PLXDC2: variants seen among roughly 807,000 people sequenced by gnomAD.
PLXDC2 encodes plexin domain containing 2, also known as plexin domain-containing protein 2.
A neutral mutation model predicts 68.9 loss-of-function variants in PLXDC2; 40 were observed. The observed-to-expected ratio is 0.58, with a 90% CI of 0.45 to 0.76. PLXDC2 has a LOEUF of 0.76. Ranked by LOEUF, PLXDC2 falls within the 30% of genes least tolerant of loss-of-function variation. The probability of loss-of-function intolerance (pLI) is 0.00; values close to 1 mark genes in which losing one functional copy is unlikely to be tolerated. For synonymous variants in PLXDC2, 243 were observed against 234.2 expected (o/e 1.04, Z -0.34); for missense variants, 644 against 661.9 (o/e 0.97, Z 0.30).
At chr10:20,088,376 T>G (rs1833229185) in intron 4 of PLXDC2, among the ~76,000 whole-genome samples, 6 of 152,222 alleles carry the variant, frequency 3.9e-5, no homozygotes, top group Admixed American at 3.9e-4. Flanking sequence ...GTGAATAAGG[T>G]ATTTTTCTTG....
At chr10:20,161,947 C>T (rs1258996674) in intron 6 of PLXDC2, among the ~76,000 whole-genome samples, 3 of 151,662 alleles carry the variant, frequency 2.0e-5, no homozygotes, top group African/African-American at 4.8e-5. Context: ...AGGAGAATTG[C>T]TTGAACCCGG....
At chr10:20,050,403 A>G (rs1430868203) in intron 3 of PLXDC2, among the ~76,000 whole-genome samples, 1 of 152,182 alleles carries the variant, frequency 6.6e-6, no homozygotes, top group Admixed American at 6.6e-5. Context: ...AGCAAAAGAA[A>G]CTATCAATAG....
intron 9 of PLXDC2, among the ~76,000 whole-genome samples, chr10:20,190,781 G>A (rs571125880): frequency 4.7e-4 from 71 of 151,854 alleles, no homozygotes; most frequent in Non-Finnish European, 6.6e-4. Flanking sequence ...TAAAATACAC[G>A]TTCATACTCA....
At chr10:19,983,871 T>C (rs999437527) in intron 1 of PLXDC2, among the ~76,000 whole-genome samples, 1 of 152,184 alleles carries the variant, frequency 6.6e-6, no homozygotes, top group Admixed American at 6.5e-5. Flanking sequence ...AGGTGAGTCC[T>C]GGGCATGTGG....
At chr10:19,850,460 A>G (rs1837093791) in intron 1 of PLXDC2, among the ~76,000 whole-genome samples, 1 of 152,114 alleles carries the variant, frequency 6.6e-6, no homozygotes, top group Non-Finnish European at 1.5e-5. Context: ...AAACTTTTGA[A>G]CCTGTACTCC....
At position 20,287,567 on chromosome 10, in the gene PLXDC2, CTCAAA is replaced by C. The variant is rs1319376261; in HGVS notation, c.*7750_*7754del. On this transcript the variant is annotated 3_prime_UTR_variant, in exon 14 of 14. Transcript: ENST00000377252. ...CACATTTATAGCAGGGAAATAAAAACTCAAATTAGGCATCCTGCAGCAGGCTACTC... is the reference window on the plus strand; with the variant it reads ...CACATTTATAGCAGGGAAATAAAAACTTAGGCATCCTGCAGCAGGCTACTC... 3.3e-5 allele frequency: 5 copies of C among 152,208 alleles called. No homozygotes were observed. The highest frequency in any genetic ancestry group is 1.2e-4 in the African/African-American group (5 of 41,532). The allele number at this position is 152,208 out of a possible 1,614,324, so 9.4% of individuals were successfully genotyped here. A position where few individuals can be genotyped will look rare whatever the true frequency, so the allele number is the denominator to read the frequency against.
chr10:19,985,984 G>A (rs969840818), intron 1 of PLXDC2, among the ~76,000 whole-genome samples: 4 of 152,182 alleles, frequency 2.6e-5, no homozygotes, highest in Non-Finnish European at 5.9e-5. Flanking sequence ...TCCTCCAGTA[G>A]AAGGCTAATT....
chr10:19,953,366 A>G (rs529384689), intron 1 of PLXDC2, among the ~76,000 whole-genome samples: 1 of 152,326 alleles, frequency 6.6e-6, no homozygotes, highest in East Asian at 1.9e-4. Flanking sequence ...GGGTAGAGCC[A>G]TTAGAACTTG....
At chr10:19,818,261 TGTGTGTGTGTGTA>T (rs1450743034) in intron 1 of PLXDC2, among the ~76,000 whole-genome samples, 2 of 151,168 alleles carry the variant, frequency 1.3e-5, no homozygotes, top group African/African-American at 4.9e-5. Context: ...TGTGTGTGTG[TGTGTGTGTGTGTA>T]ATTTAAATGA....
intron 1 of PLXDC2, among the ~76,000 whole-genome samples, chr10:19,852,587 C>T (rs966018720): frequency 6.6e-6 from 1 of 151,860 alleles, no homozygotes; most frequent in Non-Finnish European, 1.5e-5. Flanking sequence ...GTTTTTCAGC[C>T]ATGGTGATAC....
chr10:19,836,461 T>C (rs1438847688), intron 1 of PLXDC2, among the ~76,000 whole-genome samples: 1 of 152,206 alleles, frequency 6.6e-6, no homozygotes, highest in Non-Finnish European at 1.5e-5. Context: ...AGAATATTGC[T>C]GTGACACCTA....
chr10:20,122,662 C>A (rs984724787), intron 4 of PLXDC2, among the ~76,000 whole-genome samples: 2 of 152,248 alleles, frequency 1.3e-5, no homozygotes, highest in East Asian at 1.9e-4. Flanking sequence ...AATGTCTGGC[C>A]GCTGCGGTTC....
chr10:19,845,509 A>G (rs1447512223), intron 1 of PLXDC2, among the ~76,000 whole-genome samples: 1 of 152,138 alleles, frequency 6.6e-6, no homozygotes, highest in East Asian at 1.9e-4. Flanking sequence ...GAGTGACCAA[A>G]TTAGTAGTGA....
At chr10:20,038,619 T>C (rs570462630) in intron 2 of PLXDC2, among the ~76,000 whole-genome samples, 1 of 152,202 alleles carries the variant, frequency 6.6e-6, no homozygotes, top group Non-Finnish European at 1.5e-5. Flanking sequence ...GCTGAAATTG[T>C]CTGGGCTTGA....
chr10:20,027,240 G>A (rs1835420946), intron 2 of PLXDC2, among the ~76,000 whole-genome samples: 1 of 152,010 alleles, frequency 6.6e-6, no homozygotes, highest in Admixed American at 6.6e-5. Flanking sequence ...TATGATTGAG[G>A]CTTAATCCCC....
intron 2 of PLXDC2, among the ~76,000 whole-genome samples, chr10:20,044,211 G>A (rs66485339): frequency 1.5e-5 from 1 of 68,548 alleles, no homozygotes; most frequent in African/African-American, 5.1e-5. Context: ...CTCTCTCTCT[G>A]TCTTTCTTTC....
At chr10:19,992,994 G>C (rs765374809) in intron 1 of PLXDC2, among the ~76,000 whole-genome samples, 22 of 152,214 alleles carry the variant, frequency 1.4e-4, no homozygotes, top group African/African-American at 5.3e-4. Flanking sequence ...CTAGCCTCAC[G>C]ACTCGGCTCT....
In PLXDC2 at chr10:20,067,373, T is replaced by C. The variant is rs747082102; in HGVS notation, c.472-797T>C. On this transcript the variant is annotated intron_variant, in intron 3 of 13. Coordinates refer to ENST00000377252, the MANE Select transcript of PLXDC2 (RefSeq NM_032812.9). ...AATATGCTAAATTTGGAGAGCTGAT[T>C]GTATTTGAAACATGAAAATGTCTGC... Among the ~76,000 whole-genome samples the C allele has an allele frequency of 1.4e-4, 22 of 152,132 alleles. 1 individual carries two copies. Among genetic ancestry groups the C allele is most frequent in the Non-Finnish European group, 2.8e-4 (19 of 68,034 alleles).
At chr10:20,126,819 T>TTATATATGTATATATAAC (rs1564325388) in intron 4 of PLXDC2, among the ~76,000 whole-genome samples, 1 of 36,640 alleles carries the variant, frequency 2.7e-5, no homozygotes, top group Non-Finnish European at 7.6e-5. Context: ...ATATATAACA[T>TTATATATGTATATATAAC]ATATGTGTAT....
Sources: allele counts gnomAD v4.1 joint callset (sites outside exome capture counted in the v4.1 genomes callset), GRCh38; gene constraint gnomAD v4.1.1; transcripts MANE v1.5; gene names NCBI Gene and HGNC (gene_info 2026-07-23, HGNC 2026-07-21).